The following FBLN5 variants were observed in gnomAD, a reference collection of about 807,000 sequenced individuals.
The protein encoded by FBLN5 is fibulin-5.
FBLN5 carries 24 observed loss-of-function variants against 61.6 expected under a neutral mutation model. That is an observed-to-expected ratio of 0.39 (90% CI 0.28 to 0.55). The LOEUF (loss-of-function observed/expected upper bound fraction) is 0.55. Among genes scored for constraint, FBLN5 ranks in the 20% least tolerant of loss-of-function variants. FBLN5 has a pLI of 0.65. For synonymous variants in FBLN5, 213 were observed against 219.8 expected (o/e 0.97, Z 0.27); for missense variants, 470 against 594.1 (o/e 0.79, Z 2.17).
At chr14:91,930,261 G>C (rs2055900741) in intron 4 of FBLN5, among the ~76,000 whole-genome samples, 1 of 152,114 alleles carries the variant, frequency 6.6e-6, no homozygotes, top group Non-Finnish European at 1.5e-5. Flanking sequence ...GTGGCAGTTG[G>C]TACTGTTATC....
intron 4 of FBLN5, among the ~76,000 whole-genome samples, chr14:91,906,565 C>A (rs956234943): frequency 6.6e-6 from 1 of 152,236 alleles, no homozygotes; most frequent in African/African-American, 2.4e-5. Context: ...GTAAGAGATA[C>A]AATGACATGA....
intron 4 of FBLN5, among the ~76,000 whole-genome samples, chr14:91,917,095 AC>A (rs1891226488): frequency 6.6e-6 from 1 of 152,212 alleles, no homozygotes; most frequent in Admixed American, 6.5e-5. Context: ...GGGTTGTTAA[AC>A]TAGAAAGACA....
intron 4 of FBLN5, among the ~76,000 whole-genome samples, chr14:91,928,198 C>T (rs913488595): frequency 1.1e-4 from 16 of 152,358 alleles, no homozygotes; most frequent in African/African-American, 3.4e-4. Context: ...AGCCACGTCA[C>T]CTAGGCAATC....
At chr14:91,893,012 T>G (rs1229910349) in intron 5 of FBLN5, among the ~76,000 whole-genome samples, 1 of 134,534 alleles carries the variant, frequency 7.4e-6, no homozygotes, top group Non-Finnish European at 1.7e-5. Flanking sequence ...TAGAGGAATG[T>G]CCGAGTTGCT....
chr14:91,917,137 G>C (rs1205362923), intron 4 of FBLN5, among the ~76,000 whole-genome samples: 1 of 152,212 alleles, frequency 6.6e-6, no homozygotes, highest in African/African-American at 2.4e-5. Flanking sequence ...GCCTCCACTT[G>C]AGAGATCCTG....
rs377360782 is a variant in FBLN5 at position 91,881,380 on chromosome 14, G to T, written c.901C>A (p.Leu301Met). 1.3e-4 allele frequency: 206 copies of T among 1,614,086 alleles called. No individual in the cohort carries two copies. In the Middle Eastern group the frequency reaches 2.1e-3, roughly 17 times the overall value. The change falls in exon 9 of 11, where the codon CTG (leucine) becomes ATG (methionine). Residue 301 changes from leucine to methionine, a missense_variant. Coordinates refer to ENST00000342058, the MANE Select transcript of FBLN5 (RefSeq NM_006329.4). ...ECEHRNHTCN[L>M]QQTCYNLQGG... The stretch of plus-strand genomic sequence containing the variant: ...TGTAAATTGTAGCACGTCTGCTGCA[G>T]GTTGCACGTGTGGTTCCTGTGCTCA...
intron 7 of FBLN5, 128 bp downstream of exon 7, chr14:91,887,065 G>T: frequency 2.0e-6 from 2 of 1,021,718 alleles, no homozygotes; most frequent in Non-Finnish European, 3.1e-6. Context: ...CCACTGCCCT[G>T]GAGGATGTCC....
Position 91,927,145 on chromosome 14 carries a change from T to C in FBLN5, c.379+9802A>G, listed in dbSNP as rs116112313. On this transcript the variant is annotated intron_variant, in intron 4 of 10. Transcript: ENST00000342058. ...ATGGGATGATATTTACATGAAGCTG[T>C]TGTCGTCAACATCAAACAGGATTCC... is the stretch of plus-strand genomic sequence containing the variant. 3.7e-3 allele frequency among the ~76,000 whole-genome samples: 566 copies of C among 152,350 alleles called. 4 individuals carry two copies. Among genetic ancestry groups the C allele is most frequent in the African/African-American group, 0.013 (524 of 41,580 alleles).
At chr14:91,901,763 G>T (rs1447342988) in intron 4 of FBLN5, among the ~76,000 whole-genome samples, 1 of 152,170 alleles carries the variant, frequency 6.6e-6, no homozygotes. Flanking sequence ...ATCTTTCTGT[G>T]TTTACAGCAC....
At chr14:91,896,856 A>T (rs114862210) in intron 4 of FBLN5, among the ~76,000 whole-genome samples, 258 of 152,328 alleles carry the variant, frequency 1.7e-3, no homozygotes, top group African/African-American at 6.0e-3. Flanking sequence ...TTCTTTGAAT[A>T]CGTACGGTGG....
chr14:91,914,365 C>G (rs962561295), intron 4 of FBLN5, among the ~76,000 whole-genome samples: 28 of 151,548 alleles, frequency 1.8e-4, no homozygotes, highest in African/African-American at 6.5e-4. Flanking sequence ...GTAGTCCCAG[C>G]TACTCAGGAG....
At chr14:91,877,774 C>G in intron 9 of FBLN5, 92 bp from the exon 10 acceptor site, 2 of 1,004,262 alleles carry the variant, frequency 2.0e-6, no homozygotes, top group Non-Finnish European at 3.2e-6. Flanking sequence ...AAAATGAGGC[C>G]ACCCCATTTT....
At chr14:91,878,587 T>C (rs1304509960) in intron 9 of FBLN5, among the ~76,000 whole-genome samples, 1 of 152,210 alleles carries the variant, frequency 6.6e-6, no homozygotes, top group Non-Finnish European at 1.5e-5. Context: ...CCACAAAACC[T>C]GTTGGTTCTA....
chr14:91,922,094 T>C (rs1332497714), intron 4 of FBLN5, among the ~76,000 whole-genome samples: 2 of 152,022 alleles, frequency 1.3e-5, no homozygotes, highest in Non-Finnish European at 2.9e-5. Flanking sequence ...GGTCAGGAAT[T>C]TGAACACGGC....
chr14:91,930,961 G>T (rs1168968680), intron 4 of FBLN5, among the ~76,000 whole-genome samples: 1 of 152,174 alleles, frequency 6.6e-6, no homozygotes, highest in East Asian at 1.9e-4. Flanking sequence ...CTCTTCCCCT[G>T]GGTTATCATC....
intron 4 of FBLN5, among the ~76,000 whole-genome samples, chr14:91,923,140 G>A (rs757568326): frequency 7.9e-5 from 12 of 152,252 alleles, no homozygotes; most frequent in Middle Eastern, 3.4e-3. Context: ...ACAGATAATG[G>A]CCCAGCCCCT....
intron 7 of FBLN5, among the ~76,000 whole-genome samples, chr14:91,886,536 C>T (rs1318263991): frequency 6.6e-6 from 1 of 152,096 alleles, no homozygotes; most frequent in African/African-American, 2.4e-5. Context: ...AATCTTATTT[C>T]CTTGGGCTTG....
intron 3 of FBLN5, chr14:91,938,296 A>G (rs552965263): frequency 8.6e-4 from 147 of 171,502 alleles, no homozygotes; most frequent in Non-Finnish European, 1.4e-4. Flanking sequence ...TCTCTACTAA[A>G]TACCAAAAAT....
intron 4 of FBLN5, among the ~76,000 whole-genome samples, chr14:91,900,276 A>G (rs866588359): frequency 6.6e-6 from 1 of 152,240 alleles, no homozygotes; most frequent in Non-Finnish European, 1.5e-5. Flanking sequence ...GACTTAATAT[A>G]TCACATTAAA....
Sources: allele counts gnomAD v4.1 joint callset (sites outside exome capture counted in the v4.1 genomes callset), GRCh38; gene constraint gnomAD v4.1.1; transcripts MANE v1.5; gene names NCBI Gene and HGNC (gene_info 2026-07-23, HGNC 2026-07-21).